CNTNAP5: variants seen among roughly 807,000 people sequenced by gnomAD.
The protein encoded by CNTNAP5 is contactin-associated protein-like 5.
CNTNAP5 carries 72 observed loss-of-function variants against 150.2 expected under a neutral mutation model. The ratio of observed to expected loss-of-function variants is 0.48; its 90% CI spans 0.40 to 0.58. The LOEUF is 0.58. CNTNAP5 is among the 20% of genes least tolerant of loss of function. The pLI is 0.00. For missense variants in CNTNAP5, 1,636 were observed against 1,626.2 expected (o/e 1.01, Z -0.10); for synonymous variants, 672 against 619.8 (o/e 1.08, Z -1.25).
chr2:124,860,272 C>A (rs1440024349), intron 19 of CNTNAP5, among the ~76,000 whole-genome samples: 8 of 151,976 alleles, frequency 5.3e-5, no homozygotes, highest in Non-Finnish European at 1.2e-4. Context: ...ATGGTGTGAA[C>A]CCGGGAGGCG....
Position 124,813,939 on chromosome 2 carries a change from T to A in CNTNAP5, c.3217+15619T>A, listed in dbSNP as rs546291717. Among the ~76,000 whole-genome samples, 4 of 152,092 alleles carry A rather than the reference T, an allele frequency of 2.6e-5. No individual in the cohort carries two copies. In the South Asian group the frequency reaches 8.3e-4, roughly 32 times the overall value. On this transcript the variant is annotated intron_variant, in intron 19 of 23. Coordinates refer to ENST00000682447, the MANE Select transcript of CNTNAP5 (RefSeq NM_001367498.1). ...GATTACTGCCACGGAGTTCAAATTCTTCTCCCAACCTCTAGGCCTGTACCC... is the reference window on the plus strand; with the variant it reads ...GATTACTGCCACGGAGTTCAAATTCATCTCCCAACCTCTAGGCCTGTACCC...
At chr2:124,154,525 G>A (rs1442668453) in intron 1 of CNTNAP5, among the ~76,000 whole-genome samples, 1 of 152,152 alleles carries the variant, frequency 6.6e-6, no homozygotes, top group East Asian at 1.9e-4. Flanking sequence ...GTAGAGGGAT[G>A]CAGCCAAGGA....
At chr2:124,615,219 T>G (rs1677470591) in intron 12 of CNTNAP5, among the ~76,000 whole-genome samples, 1 of 152,230 alleles carries the variant, frequency 6.6e-6, no homozygotes, top group Non-Finnish European at 1.5e-5. Flanking sequence ...AATTGACTAT[T>G]TCTTTTATGA....
chr2:124,148,019 G>A (rs141006142), intron 1 of CNTNAP5, among the ~76,000 whole-genome samples: 18 of 152,276 alleles, frequency 1.2e-4, no homozygotes, highest in Middle Eastern at 3.4e-3. Flanking sequence ...TGATGGCCAC[G>A]CTGGCTGCGG....
chr2:124,369,644 A>C (rs1690467895), intron 3 of CNTNAP5, among the ~76,000 whole-genome samples: 1 of 152,198 alleles, frequency 6.6e-6, no homozygotes, highest in Admixed American at 6.6e-5. Flanking sequence ...GACACAATTT[A>C]ACCTTATAAA....
chr2:124,467,286 C>T, intron 6 of CNTNAP5, among the ~76,000 whole-genome samples: 1 of 151,400 alleles, frequency 6.6e-6, no homozygotes, highest in East Asian at 1.9e-4. Flanking sequence ...AGCTATGCTG[C>T]CAGATGAATG....
intron 10 of CNTNAP5, among the ~76,000 whole-genome samples, chr2:124,556,872 T>C (rs766756781): frequency 6.6e-6 from 1 of 152,044 alleles, no homozygotes; most frequent in African/African-American, 2.4e-5. Flanking sequence ...AAAGTCAGGT[T>C]TGGTTAAAGG....
At chr2:124,671,002 C>G (rs1323037608) in intron 13 of CNTNAP5, among the ~76,000 whole-genome samples, 1 of 152,112 alleles carries the variant, frequency 6.6e-6, no homozygotes, top group Non-Finnish European at 1.5e-5. Context: ...TTTCCATGCC[C>G]AGAGCACAGC....
At chr2:124,669,805 A>G (rs1310807336) in intron 13 of CNTNAP5, among the ~76,000 whole-genome samples, 1 of 152,120 alleles carries the variant, frequency 6.6e-6, no homozygotes, top group Non-Finnish European at 1.5e-5. Flanking sequence ...AACGTTCCTA[A>G]TCCAACTGGC....
chr2:124,448,396 C>T (rs1277268140), intron 6 of CNTNAP5, among the ~76,000 whole-genome samples: 1 of 151,956 alleles, frequency 6.6e-6, no homozygotes, highest in Non-Finnish European at 1.5e-5. Flanking sequence ...TCTCTTTTAA[C>T]TAAAGGTGCT....
intron 9 of CNTNAP5, among the ~76,000 whole-genome samples, chr2:124,526,669 T>G (rs1392012177): frequency 6.6e-6 from 1 of 152,242 alleles, no homozygotes; most frequent in African/African-American, 2.4e-5. Flanking sequence ...CTTTCCCATA[T>G]GCTATTACAG....
chr2:124,164,995 C>T (rs1361306147), intron 1 of CNTNAP5, among the ~76,000 whole-genome samples: 1 of 152,064 alleles, frequency 6.6e-6, no homozygotes, highest in South Asian at 2.1e-4. Flanking sequence ...AGCCCTGGAG[C>T]CAGCCAGAGA....
In CNTNAP5 at chr2:124,708,794, T is replaced by G. The variant is rs151067393; in HGVS notation, c.2078-38435T>G. Among the ~76,000 whole-genome samples, 29 of 152,244 alleles carry G rather than the reference T, an allele frequency of 1.9e-4. No homozygotes were observed. In the East Asian group the frequency reaches 3.1e-3, roughly 16 times the overall value. ...TTAATTGTGGGCACTAATTGCTGAG[T>G]TCTCTAAGCCAGAATTGCTCAGCAG... On this transcript the variant is annotated intron_variant, in intron 13 of 23. Coordinates refer to ENST00000682447, the MANE Select transcript of CNTNAP5 (RefSeq NM_001367498.1).
intron 3 of CNTNAP5, among the ~76,000 whole-genome samples, chr2:124,260,809 T>C (rs958184880): frequency 4.6e-5 from 7 of 152,154 alleles, no homozygotes; most frequent in African/African-American, 1.4e-4. Context: ...TACCATCCAA[T>C]GCAAAATATG....
intron 1 of CNTNAP5, among the ~76,000 whole-genome samples, chr2:124,093,858 T>C (rs919309982): frequency 1.3e-5 from 2 of 152,216 alleles, no homozygotes; most frequent in Non-Finnish European, 2.9e-5. Flanking sequence ...TTTGTATTAA[T>C]GATATCGCAG....
At chr2:124,339,369 G>A (rs1287768297) in intron 3 of CNTNAP5, among the ~76,000 whole-genome samples, 1 of 152,084 alleles carries the variant, frequency 6.6e-6, no homozygotes, top group African/African-American at 2.4e-5. Context: ...AATTAAAATT[G>A]TAGACAAAGG....
intron 3 of CNTNAP5, among the ~76,000 whole-genome samples, chr2:124,368,522 T>A (rs2104723883): frequency 6.6e-6 from 1 of 152,256 alleles, no homozygotes; most frequent in East Asian, 1.9e-4. Flanking sequence ...ACTCATGAAA[T>A]ACATTAGTTT....
intron 19 of CNTNAP5, among the ~76,000 whole-genome samples, chr2:124,809,477 G>A (rs576985203): frequency 1.3e-5 from 2 of 151,630 alleles, no homozygotes; most frequent in African/African-American, 4.8e-5. Context: ...CATGATCATA[G>A]CTCACTGCAG....
intron 13 of CNTNAP5, among the ~76,000 whole-genome samples, chr2:124,660,049 A>AGGAAGGAAGGAAGGAG (rs1678553864): frequency 7.5e-6 from 1 of 133,054 alleles, no homozygotes; most frequent in African/African-American, 3.3e-5. Context: ...GAAGAAAGGA[A>AGGAAGGAAGGAAGGAG]GGAAGGAAGG....
Sources: allele counts gnomAD v4.1 joint callset (sites outside exome capture counted in the v4.1 genomes callset), GRCh38; gene constraint gnomAD v4.1.1; transcripts MANE v1.5; gene names NCBI Gene and HGNC (gene_info 2026-07-23, HGNC 2026-07-21).